RYR3: variants seen among roughly 807,000 people sequenced by gnomAD.
The protein encoded by RYR3 is brain ryanodine receptor-calcium release channel.
In RYR3, 207 loss-of-function variants were observed where a neutral mutation model predicts 584.3. The ratio of observed to expected loss-of-function variants is 0.35; its 90% CI spans 0.32 to 0.40. RYR3 has a LOEUF of 0.40. Ranked by LOEUF, RYR3 falls within the 10% of genes least tolerant of loss-of-function variation. RYR3 has a pLI of 1.00. For synonymous variants in RYR3, 2,416 were observed against 2,248.5 expected (o/e 1.07, Z -2.11); for missense variants, 5,616 against 6,089.2 (o/e 0.92, Z 2.59).
chr15:33,609,262 A>G (rs920845577), intron 18 of RYR3, among the ~76,000 whole-genome samples: 1 of 152,214 alleles, frequency 6.6e-6, no homozygotes, highest in Non-Finnish European at 1.5e-5. Flanking sequence ...CAGTTCACAA[A>G]TATTTCTTAG....
chr15:33,830,897 A>T, intron 85 of RYR3, 66 bp from the exon 86 acceptor site: 1 of 1,558,194 alleles, frequency 6.4e-7, no homozygotes, highest in South Asian at 1.2e-5. Context: ...TACCCTTCCC[A>T]AACACCGAGT....
intron 1 of RYR3, among the ~76,000 whole-genome samples, chr15:33,386,674 C>T (rs2041624144): frequency 6.6e-6 from 1 of 152,188 alleles, no homozygotes; most frequent in African/African-American, 2.4e-5. Context: ...CATTAAATAA[C>T]AATTCCCATT....
At chr15:33,577,071 G>A (rs2058336909) in intron 12 of RYR3, among the ~76,000 whole-genome samples, 1 of 152,084 alleles carries the variant, frequency 6.6e-6, no homozygotes, top group Admixed American at 6.5e-5. Context: ...GGAAGTGAAG[G>A]ACTTCTTCAA....
At chr15:33,672,021 C>G (rs2063876957) in intron 38 of RYR3, among the ~76,000 whole-genome samples, 1 of 151,922 alleles carries the variant, frequency 6.6e-6, no homozygotes, top group Non-Finnish European at 1.5e-5. Flanking sequence ...ATCATGTTGG[C>G]CAGGTTGGTC....
At chr15:33,788,547 T>A in intron 67 of RYR3, 89 bp downstream of exon 67, 1 of 1,479,730 alleles carries the variant, frequency 6.8e-7, no homozygotes, top group Non-Finnish European at 9.2e-7. Context: ...GTTGGGTTGT[T>A]AACAGTGAGA....
chr15:33,565,445 G>A (rs1048924989), intron 11 of RYR3, among the ~76,000 whole-genome samples: 12 of 152,144 alleles, frequency 7.9e-5, no homozygotes, highest in African/African-American at 2.9e-4. Context: ...GAACAAGCCG[G>A]TATTCTATTT....
intron 60 of RYR3, among the ~76,000 whole-genome samples, chr15:33,763,428 A>T (rs183732153): frequency 5.9e-5 from 9 of 152,294 alleles, no homozygotes; most frequent in African/African-American, 1.7e-4. Flanking sequence ...ACAAAAAAAA[A>T]ACAACCCCAT....
At chr15:33,642,506 T>C (rs539767076) in intron 27 of RYR3, among the ~76,000 whole-genome samples, 11 of 152,362 alleles carry the variant, frequency 7.2e-5, no homozygotes, top group Non-Finnish European at 1.2e-4. Context: ...CCATTCCTTG[T>C]CCCCATTTCT....
At chr15:33,857,260 C>CTGT (rs1567341206) in intron 98 of RYR3, among the ~76,000 whole-genome samples, 6 of 151,900 alleles carry the variant, frequency 3.9e-5, no homozygotes, top group African/African-American at 9.7e-5. Context: ...GCACCAGCAC[C>CTGT]TGGTCTCCTC....
intron 12 of RYR3, 122 bp from the exon 13 acceptor site, chr15:33,579,854 G>A: frequency 1.8e-6 from 1 of 566,184 alleles, no homozygotes; most frequent in Admixed American, 3.9e-5. Context: ...TGGTACAGTG[G>A]CCGCCCAAGG....
At chr15:33,539,907 A>AGAGAAG (rs2141139659) in intron 6 of RYR3, among the ~76,000 whole-genome samples, 1 of 152,290 alleles carries the variant, frequency 6.6e-6, no homozygotes, top group Non-Finnish European at 1.5e-5. Flanking sequence ...AACAGGAGGA[A>AGAGAAG]GAGAAGGAGA....
chr15:33,696,354 G>A lies in RYR3; in HGVS notation c.5997G>A (p.Ala1999=), dbSNP rs142550033. 3.3e-5 allele frequency: 53 copies of A among 1,613,820 alleles called. No individual in the cohort carries two copies. The highest frequency in any genetic ancestry group is 3.0e-4 in the Admixed American group (18 of 60,010). Residue 1999 remains alanine (A), a synonymous_variant, in exon 39 of 104, where the codon GCG becomes GCA. Coordinates refer to ENST00000634891, the MANE Select transcript of RYR3 (RefSeq NM_001036.6). ...QYDSIGELLQ[A]LRKTYTISHT... ...ACAGCATTGGGGAGCTGCTGCAGGC[G>A]CTGCGGAAGACCTACACCATCAGCC...
At chr15:33,841,379 T>G (rs1381115884) in intron 90 of RYR3, among the ~76,000 whole-genome samples, 1 of 152,236 alleles carries the variant, frequency 6.6e-6, no homozygotes, top group Non-Finnish European at 1.5e-5. Context: ...ATACCTTATA[T>G]TTATCATGCT....
chr15:33,864,985 G>C (rs1234949408), intron 103 of RYR3, 146 bp from the exon 104 acceptor site: 1 of 608,148 alleles, frequency 1.6e-6, no homozygotes, highest in African/African-American at 1.8e-5. Context: ...CCTGTGCTGG[G>C]AATAGAGCAA....
At chr15:33,614,380 A>C (rs2060346235) in intron 19 of RYR3, among the ~76,000 whole-genome samples, 1 of 152,196 alleles carries the variant, frequency 6.6e-6, no homozygotes, top group South Asian at 2.1e-4. Context: ...ATTTCAGATA[A>C]AGGATTTGGG....
Position 33,785,922 on chromosome 15 carries a change from C to T in RYR3, c.9529C>T (p.Leu3177=), listed in dbSNP as rs555061771. The change falls in exon 66 of 104, where the codon CTG becomes TTG. Residue 3177 remains leucine, a synonymous_variant. Coordinates refer to ENST00000634891, the MANE Select transcript of RYR3 (RefSeq NM_001036.6). ...EHLSLILGNI[L]KIINNNLGID... is the part of the protein sequence containing the mutation. ...CCTCAGTCTCATCCTGGGCAACATT[C>T]TGAAAATCATCAACAACAACCTGGG... The T allele has an allele frequency of 6.2e-7, 1 of 1,610,744 alleles. No individual in the cohort carries two copies. The highest frequency in any genetic ancestry group is 2.2e-5 in the East Asian group (1 of 44,776).
In RYR3 at chr15:33,652,711, C is replaced by T. The variant is rs757805592; in HGVS notation, c.4143-7C>T. ...GATTCTGTGCCTTTTCCTGTCTTGG[C>T]TCCTAGTGTGAAACGCAGCAACTGC... On this transcript the variant is annotated splice_polypyrimidine_tract_variant and splice_region_variant and intron_variant, in intron 31 of 103. Coordinates refer to ENST00000634891, the MANE Select transcript of RYR3 (RefSeq NM_001036.6). 2.1e-5 allele frequency: 34 copies of T among 1,612,484 alleles called. No individual in the cohort carries two copies. Among genetic ancestry groups the T allele is most frequent in the Non-Finnish European group, 2.6e-5 (31 of 1,179,318 alleles).
intron 1 of RYR3, among the ~76,000 whole-genome samples, chr15:33,351,194 C>T (rs904813530): frequency 1.3e-5 from 2 of 152,156 alleles, no homozygotes; most frequent in Admixed American, 6.5e-5. Flanking sequence ...CATACACTCT[C>T]CCAAGACTAA....
At chr15:33,619,680 G>A (rs986338122) in intron 19 of RYR3, among the ~76,000 whole-genome samples, 2 of 152,176 alleles carry the variant, frequency 1.3e-5, no homozygotes, top group African/African-American at 4.8e-5. Flanking sequence ...TTTGTATTCA[G>A]TTTACAGCTT....
Sources: allele counts gnomAD v4.1 joint callset (sites outside exome capture counted in the v4.1 genomes callset), GRCh38; gene constraint gnomAD v4.1.1; transcripts MANE v1.5; gene names NCBI Gene and HGNC (gene_info 2026-07-23, HGNC 2026-07-21).